Variants in LARGE1 observed in about 807,000 individuals in gnomAD.
LARGE1 encodes the protein LARGE xylosyl- and glucuronyltransferase 1, also known as xylosyl- and glucuronyltransferase LARGE1.
LARGE1 carries 43 observed loss-of-function variants against 87.6 expected under a neutral mutation model. The ratio of observed to expected loss-of-function variants is 0.49; its 90% CI spans 0.38 to 0.63. The LOEUF (loss-of-function observed/expected upper bound fraction) is 0.63. LARGE1 is among the 30% of genes least tolerant of loss of function. The probability of loss-of-function intolerance (pLI) is 0.00; values close to 1 mark genes in which losing one functional copy is unlikely to be tolerated. For missense variants in LARGE1, 802 were observed against 1,000.2 expected, an observed-to-expected ratio of 0.80 and a Z score of 2.67; for synonymous variants, 434 against 394.6, an observed-to-expected ratio of 1.10 and a Z score of -1.18.
At chr22:33,088,554 T>C in the LARGE1 span, among the ~76,000 whole-genome samples, 2 of 152,282 alleles carry the variant, frequency 1.3e-5, no homozygotes, top group Admixed American at 6.5e-5. Flanking sequence ...GGAAGCAGGA[T>C]GGCTTTGCTA....
In LARGE1 at chr22:33,865,832, C is replaced by CTTTTTTTTTT. The variant is rs3072359; in HGVS notation, c.-83+54153_-83+54162dup. On this transcript the variant is annotated intron_variant, in intron 1 of 14. Coordinates refer to ENST00000397394, the MANE Select transcript of LARGE1 (RefSeq NM_133642.5). ...TAAGCATTCAATGTTAGCTGTTATT[C>CTTTTTTTTTT]TTTTTTTTTTTTTTTTTTTTTTTTT... Among the ~76,000 whole-genome samples the CTTTTTTTTTT allele has an allele frequency of 3.0e-3, 85 of 28,394 alleles. 31 individuals carry two copies. Among genetic ancestry groups the CTTTTTTTTTT allele is most frequent in the African/African-American group, 3.5e-3 (33 of 9,350 alleles). The allele number at this position is 28,394 out of a possible 152,430, so 18.6% of individuals were successfully genotyped here. A position where few individuals can be genotyped will look rare whatever the true frequency, so the allele number is the denominator to read the frequency against.
At chr22:33,826,645 T>C (rs2062796946) in intron 1 of LARGE1, among the ~76,000 whole-genome samples, 1 of 152,178 alleles carries the variant, frequency 6.6e-6, no homozygotes, top group South Asian at 2.1e-4. Flanking sequence ...CGGCCTTGCC[T>C]CCCTCTTATA....
intron 2 of LARGE1, among the ~76,000 whole-genome samples, chr22:33,698,219 C>T (rs2082308579): frequency 6.6e-6 from 1 of 151,902 alleles, no homozygotes; most frequent in Non-Finnish European, 1.5e-5. Flanking sequence ...AGTACAGGAG[C>T]ACGCCACCAC....
chr22:33,724,480 C>A (rs2083205753), intron 2 of LARGE1, among the ~76,000 whole-genome samples: 1 of 152,112 alleles, frequency 6.6e-6, no homozygotes, highest in South Asian at 2.1e-4. Context: ...CTATAAGGGT[C>A]ACCTTCGTGC....
chr22:33,769,353 G>A (rs1010421534), intron 1 of LARGE1, among the ~76,000 whole-genome samples: 1 of 152,242 alleles, frequency 6.6e-6, no homozygotes, highest in African/African-American at 2.4e-5. Context: ...GCAAATTCTC[G>A]TATTGTTTCC....
At position 33,387,706 on chromosome 22, in the gene LARGE1, T is replaced by C. The variant is rs570709860; in HGVS notation, c.893-3402A>G. ...TGCCAGGTTGCCTGAAAAGTCGGAA[T>C]GTCTAAAACAGATGACTAAATGCAG... On this transcript the variant is annotated intron_variant, in intron 7 of 14. Coordinates refer to ENST00000397394, the MANE Select transcript of LARGE1 (RefSeq NM_133642.5). 1.8e-4 allele frequency among the ~76,000 whole-genome samples: 27 copies of C among 152,336 alleles called. 1 individual carries two copies. The South Asian group carries it at 5.4e-3, about 30-fold the overall frequency.
At chr22:33,684,754 C>A (rs1421020867) in intron 2 of LARGE1, among the ~76,000 whole-genome samples, 2 of 152,180 alleles carry the variant, frequency 1.3e-5, no homozygotes, top group Admixed American at 6.5e-5. Context: ...CACCCAACCC[C>A]ATGTGCTTCT....
intron 2 of LARGE1, among the ~76,000 whole-genome samples, chr22:33,665,938 A>G (rs1340953713): frequency 6.6e-6 from 1 of 152,132 alleles, no homozygotes; most frequent in African/African-American, 2.4e-5. Flanking sequence ...ACTGGGCTTA[A>G]GTAAAGTTTA....
chr22:33,173,186 G>A (rs1216542526), intron 11 of LARGE1, among the ~76,000 whole-genome samples: 1 of 152,148 alleles, frequency 6.6e-6, no homozygotes, highest in African/African-American at 2.4e-5. Flanking sequence ...CAAGCCAGAA[G>A]AGAGTGAGGG....
At chr22:33,395,808 A>G (rs2065721840) in intron 7 of LARGE1, among the ~76,000 whole-genome samples, 1 of 152,220 alleles carries the variant, frequency 6.6e-6, no homozygotes, top group South Asian at 2.1e-4. Flanking sequence ...GGATGCTAGT[A>G]AATGTTGTGG....
intron 2 of LARGE1, chr22:33,743,204 T>A (rs990032734): frequency 1.3e-5 from 2 of 151,878 alleles, no homozygotes; most frequent in African/African-American, 4.8e-5. Context: ...CAACCGTGAG[T>A]CAAATAAGCC....
At chr22:33,149,250 G>A in the LARGE1 span, among the ~76,000 whole-genome samples, 9 of 151,846 alleles carry the variant, frequency 5.9e-5, no homozygotes, top group Non-Finnish European at 1.2e-4. Flanking sequence ...CACTGTGTTA[G>A]CCAGGATGGT....
chr22:33,268,432 T>TATTTA (rs56987033), downstream of LARGE1, among the ~76,000 whole-genome samples: 1 of 141,494 alleles, frequency 7.1e-6, no homozygotes, highest in African/African-American at 3.1e-5. Flanking sequence ...TAAAAAACTT[T>TATTTA]TTTTTTTTTT....
chr22:33,462,204 C>T (rs960706822), intron 6 of LARGE1, among the ~76,000 whole-genome samples: 2 of 152,154 alleles, frequency 1.3e-5, no homozygotes, highest in East Asian at 1.9e-4. Context: ...GACTTACCAA[C>T]AGAGACAATG....
chr22:33,803,053 T>C (rs752885055), intron 1 of LARGE1, among the ~76,000 whole-genome samples: 6 of 152,140 alleles, frequency 3.9e-5, no homozygotes, highest in Admixed American at 1.3e-4. Context: ...TGACGACGGA[T>C]ACCAAGGAAG....
chr22:33,763,763 C>T (rs1320913936), intron 1 of LARGE1, among the ~76,000 whole-genome samples: 9 of 151,038 alleles, frequency 6.0e-5, no homozygotes, highest in Non-Finnish European at 1.0e-4. Flanking sequence ...GAAGTGCTTA[C>T]CAAAGATATT....
At chr22:33,784,146 T>C (rs1161237086) in intron 1 of LARGE1, among the ~76,000 whole-genome samples, 1 of 152,244 alleles carries the variant, frequency 6.6e-6, no homozygotes, top group Non-Finnish European at 1.5e-5. Flanking sequence ...TCGTTTCGTT[T>C]TGTTTAACAA....
At chr22:33,467,088 A>G (rs900125984) in intron 6 of LARGE1, among the ~76,000 whole-genome samples, 12 of 152,210 alleles carry the variant, frequency 7.9e-5, no homozygotes, top group African/African-American at 2.9e-4. Context: ...TTCATTACTT[A>G]TAAAGGAATG....
chr22:33,506,278 G>C (rs947069746), intron 6 of LARGE1, among the ~76,000 whole-genome samples: 5 of 152,032 alleles, frequency 3.3e-5, no homozygotes, highest in African/African-American at 1.2e-4. Context: ...TGCTGCTTTT[G>C]GAACAATTTT....
Sources: allele counts gnomAD v4.1 joint callset (sites outside exome capture counted in the v4.1 genomes callset), GRCh38; gene constraint gnomAD v4.1.1; transcripts MANE v1.5; gene names NCBI Gene and HGNC (gene_info 2026-07-23, HGNC 2026-07-21).